Variants in SUPT3H observed in about 807,000 individuals in gnomAD.
The protein encoded by SUPT3H is transcription initiation protein SPT3 homolog.
SUPT3H carries 44 observed loss-of-function variants against 44.3 expected under a neutral mutation model. That is an observed-to-expected ratio of 0.99 (90% CI 0.78 to 1.28). SUPT3H has a LOEUF of 1.28. Among genes scored for constraint, SUPT3H ranks in the 50% most tolerant of loss-of-function variants. The pLI is 0.00. For synonymous variants in SUPT3H, 124 were observed against 125.6 expected, an observed-to-expected ratio of 0.99 and a Z score of 0.09; for missense variants, 380 against 387.1, an observed-to-expected ratio of 0.98 and a Z score of 0.15.
intron 2 of SUPT3H, chr6:45,158,913 T>C (rs1269486111): frequency 6.6e-6 from 1 of 152,064 alleles, no homozygotes; most frequent in Non-Finnish European, 1.5e-5. Flanking sequence ...GGTTACAAGA[T>C]CAAAAAAATC....
At chr6:45,259,198 G>T (rs542189863) in intron 2 of SUPT3H, among the ~76,000 whole-genome samples, 1 of 152,004 alleles carries the variant, frequency 6.6e-6, no homozygotes, top group East Asian at 1.9e-4. Context: ...TTCCAATTGC[G>T]CACCAGAAAT....
At chr6:45,253,703 G>C (rs949883077) in intron 2 of SUPT3H, among the ~76,000 whole-genome samples, 5 of 151,666 alleles carry the variant, frequency 3.3e-5, no homozygotes. Flanking sequence ...TGGAGCAGGA[G>C]AATCACTTGA....
At chr6:45,348,563 T>G (rs1172309768) in intron 2 of SUPT3H, among the ~76,000 whole-genome samples, 1 of 149,116 alleles carries the variant, frequency 6.7e-6, no homozygotes, top group African/African-American at 2.5e-5. Flanking sequence ...TAGTCCCAGC[T>G]ACTCAGGAGA....
At chr6:45,255,054 A>G (rs1562802310) in intron 2 of SUPT3H, among the ~76,000 whole-genome samples, 1 of 152,216 alleles carries the variant, frequency 6.6e-6, no homozygotes, top group Non-Finnish European at 1.5e-5. Context: ...GCCCCAAAGC[A>G]TAAGAGTAGT....
chr6:44,895,313 C>T (rs942875240), intron 10 of SUPT3H, among the ~76,000 whole-genome samples: 1 of 144,142 alleles, frequency 6.9e-6, no homozygotes. Flanking sequence ...AGGCTGGTCT[C>T]GAACTTCTAG....
rs70996313 is a variant in SUPT3H at position 45,251,395 on chromosome 6, GCACACA to G, written c.101+113800_101+113805del. On this transcript the variant is annotated intron_variant, in intron 2 of 10. Transcript: ENST00000371459. Reference sequence around the variant, plus strand: ...TTCTAAATGACTAAGAAGAGAAGCTGCACACACACACACACACACACACACACACAC... The same window carrying G: ...TTCTAAATGACTAAGAAGAGAAGCTGCACACACACACACACACACACACAC... 1.8e-3 allele frequency among the ~76,000 whole-genome samples: 261 copies of G among 144,868 alleles called. 1 individual carries two copies. The highest frequency in any genetic ancestry group is 0.017 in the East Asian group (81 of 4,898).
intron 2 of SUPT3H, among the ~76,000 whole-genome samples, chr6:45,330,593 A>T (rs1042475095): frequency 1.3e-5 from 2 of 152,080 alleles, no homozygotes; most frequent in African/African-American, 4.8e-5. Context: ...TAAAATTCTC[A>T]CAAAGAATAT....
chr6:45,009,822 A>C (rs749659149), intron 5 of SUPT3H, among the ~76,000 whole-genome samples: 1 of 152,156 alleles, frequency 6.6e-6, no homozygotes, highest in Admixed American at 6.6e-5. Flanking sequence ...TCATTTCCAT[A>C]TCAGAATCTG....
chr6:45,147,544 A>G (rs1247820594), intron 2 of SUPT3H, among the ~76,000 whole-genome samples: 1 of 152,070 alleles, frequency 6.6e-6, no homozygotes, highest in Non-Finnish European at 1.5e-5. Context: ...TTGTTGTAGG[A>G]GAGATATATA....
At chr6:44,900,187 G>A (rs1256626757) in intron 10 of SUPT3H, among the ~76,000 whole-genome samples, 2 of 152,218 alleles carry the variant, frequency 1.3e-5, no homozygotes, top group Admixed American at 6.5e-5. Flanking sequence ...AGGACAGTGG[G>A]TGCAGCGCAC....
At chr6:45,078,648 T>G (rs1489537247) in intron 3 of SUPT3H, among the ~76,000 whole-genome samples, 2 of 152,216 alleles carry the variant, frequency 1.3e-5, no homozygotes, top group Non-Finnish European at 2.9e-5. Flanking sequence ...TCTCTTTTTC[T>G]CTTTCATTTC....
chr6:44,944,091 T>G (rs372724875), intron 9 of SUPT3H, among the ~76,000 whole-genome samples: 1 of 152,100 alleles, frequency 6.6e-6, no homozygotes, highest in East Asian at 1.9e-4. Context: ...TATGGTATTA[T>G]GGCTTATAAT....
At chr6:45,266,009 C>G (rs1775199009) in intron 2 of SUPT3H, among the ~76,000 whole-genome samples, 1 of 152,108 alleles carries the variant, frequency 6.6e-6, no homozygotes, top group Admixed American at 6.6e-5. Flanking sequence ...CATTAGAATC[C>G]TAACAAAGAT....
intron 2 of SUPT3H, among the ~76,000 whole-genome samples, chr6:45,284,714 A>G (rs1013474345): frequency 1.3e-5 from 2 of 152,224 alleles, no homozygotes; most frequent in African/African-American, 4.8e-5. Context: ...AATCAACAGA[A>G]AAAGAGGGAA....
At chr6:45,156,504 T>A (rs1807836686) in intron 2 of SUPT3H, among the ~76,000 whole-genome samples, 1 of 151,840 alleles carries the variant, frequency 6.6e-6, no homozygotes, top group Non-Finnish European at 1.5e-5. Context: ...CTAGCTCCCT[T>A]TTCTTTCCCT....
intron 2 of SUPT3H, among the ~76,000 whole-genome samples, chr6:45,185,438 A>AT (rs753653789): frequency 4.5e-4 from 69 of 152,242 alleles, no homozygotes; most frequent in Non-Finnish European, 3.7e-4. Flanking sequence ...TGCAAAGGAG[A>AT]TTTTTTTGTC....
In SUPT3H at chr6:44,961,746, T is replaced by TA; in HGVS notation, c.580+6dup. 6.2e-7 allele frequency: 1 copy of TA among 1,600,624 alleles called. No individual in the cohort carries two copies. Among genetic ancestry groups the TA allele is most frequent in the Non-Finnish European group, 8.5e-7 (1 of 1,173,380 alleles). On this transcript the variant is annotated splice_region_variant and intron_variant, in intron 7 of 10. Coordinates refer to ENST00000371459, the MANE Select transcript of SUPT3H (RefSeq NM_003599.4). Reference sequence around the variant, plus strand: ...ATATAATTAAGCAAAGTTAAATAGTTACTTACAGAAACTTAATTGTCGACT... The same window carrying TA: ...ATATAATTAAGCAAAGTTAAATAGTTAACTTACAGAAACTTAATTGTCGACT...
chr6:45,303,347 G>C (rs1301447453), intron 2 of SUPT3H, among the ~76,000 whole-genome samples: 2 of 152,060 alleles, frequency 1.3e-5, no homozygotes, highest in Non-Finnish European at 2.9e-5. Flanking sequence ...CACAGAGTGG[G>C]AGAAAATCTT....
intron 2 of SUPT3H, among the ~76,000 whole-genome samples, chr6:45,182,750 A>G (rs1234038234): frequency 6.6e-6 from 1 of 152,224 alleles, no homozygotes. Flanking sequence ...CTTTGAACAT[A>G]AAAAGCCATA....
Sources: allele counts gnomAD v4.1 joint callset (sites outside exome capture counted in the v4.1 genomes callset), GRCh38; gene constraint gnomAD v4.1.1; transcripts MANE v1.5; gene names NCBI Gene and HGNC (gene_info 2026-07-23, HGNC 2026-07-21).